TG: variants seen among roughly 807,000 people sequenced by gnomAD.
TG encodes the protein thyroglobulin.
A neutral mutation model predicts 324.7 loss-of-function variants in TG; 270 were observed. The observed-to-expected ratio is 0.83, with a 90% CI of 0.75 to 0.92. The LOEUF is 0.92. Among genes scored for constraint, TG ranks in the 40% least tolerant of loss-of-function variants. TG has a pLI of 0.00. For missense variants in TG, 3,591 were observed against 3,456.4 expected, an observed-to-expected ratio of 1.04 and a Z score of -0.98; for synonymous variants, 1,401 against 1,327.0, an observed-to-expected ratio of 1.06 and a Z score of -1.21.
rs1836146800 is a variant in TG, at chr8:133,026,965, G to A, written c.7037-2856G>A. Among the ~76,000 whole-genome samples, 4 of 152,314 alleles carry A rather than the reference G, an allele frequency of 2.6e-5. No homozygotes were observed. In the South Asian group the frequency reaches 8.3e-4, roughly 32 times the overall value. ...TATTAACTAATTTACTCAACCTTAT[G>A]AGGAAGTGCTATTATCACCCCCGTT... On this transcript the variant is annotated intron_variant, in intron 40 of 47. Coordinates refer to ENST00000220616, the MANE Select transcript of TG (RefSeq NM_003235.5).
intron 41 of TG, chr8:133,038,237 A>C (rs991886819): frequency 2.3e-6 from 1 of 431,874 alleles, no homozygotes; most frequent in South Asian, 2.3e-5. Context: ...TGTCCTTCCC[A>C]CACACACAAT....
At chr8:133,014,455 T>TC (rs71518144) in intron 37 of TG, among the ~76,000 whole-genome samples, 1 of 152,168 alleles carries the variant, frequency 6.6e-6, no homozygotes, top group Non-Finnish European at 1.5e-5. Context: ...GGGAATCCCC[T>TC]CCCCCACTAG....
intron 41 of TG, among the ~76,000 whole-genome samples, chr8:133,085,072 C>G (rs1846314957): frequency 6.6e-6 from 1 of 152,186 alleles, no homozygotes; most frequent in African/African-American, 2.4e-5. Context: ...GTGCTTGGAG[C>G]ACACCAGCTC....
chr8:133,060,844 G>A (rs1587939381), intron 41 of TG, among the ~76,000 whole-genome samples: 1 of 152,144 alleles, frequency 6.6e-6, no homozygotes, highest in Non-Finnish European at 1.5e-5. Context: ...CTCAGAAGGG[G>A]TAAGTGACTT....
chr8:133,070,336 G>A (rs1285915618), intron 41 of TG, among the ~76,000 whole-genome samples: 1 of 148,206 alleles, frequency 6.7e-6, no homozygotes, highest in Non-Finnish European at 1.5e-5. Context: ...CTCCCAACAA[G>A]CATCTGTTTT....
intron 35 of TG, chr8:132,988,556 T>A: frequency 4.0e-6 from 1 of 251,852 alleles, no homozygotes; most frequent in Non-Finnish European, 6.3e-6. Flanking sequence ...TTTTGGTGGA[T>A]GACTAGCTAG....
At chr8:133,120,318 A>G (rs1454689969) in intron 45 of TG, among the ~76,000 whole-genome samples, 1 of 152,242 alleles carries the variant, frequency 6.6e-6, no homozygotes, top group Non-Finnish European at 1.5e-5. Flanking sequence ...CAATCAAAGC[A>G]AAACAAAATG....
chr8:132,879,669 G>A (rs1814368323), intron 5 of TG, among the ~76,000 whole-genome samples: 1 of 152,204 alleles, frequency 6.6e-6, no homozygotes, highest in South Asian at 2.1e-4. Context: ...GCAGTAACTG[G>A]CCTTAGGGTG....
chr8:133,105,527 G>A (rs890034367), intron 43 of TG, among the ~76,000 whole-genome samples: 10 of 152,176 alleles, frequency 6.6e-5, no homozygotes, highest in African/African-American at 2.4e-4. Context: ...AAGGTTCTAG[G>A]GGTGAGGAAG....
At chr8:132,950,169 T>C (rs2741228) in intron 27 of TG, among the ~76,000 whole-genome samples, 122,636 of 152,178 alleles carry the variant, frequency 0.81, 49,522 homozygotes, top group Admixed American at 0.85. Context: ...CTGTTCCTTT[T>C]GTTCTTCCAG....
Position 132,885,596 on chromosome 8 carries a change from G to A in TG, c.1076-852G>A, listed in dbSNP as rs16904773. The stretch of plus-strand genomic sequence containing the variant: ...AGCCACACTAAAATCACATAGTGAA[G>A]CATTGAAGTCTATTGAGAATTCCAA... On this transcript the variant is annotated intron_variant, in intron 8 of 47. Coordinates refer to ENST00000220616, the MANE Select transcript of TG (RefSeq NM_003235.5). 9.0e-3 allele frequency among the ~76,000 whole-genome samples: 1,363 copies of A among 152,276 alleles called. 39 individuals carry two copies. Among genetic ancestry groups the A allele is most frequent in the East Asian group, 0.087 (450 of 5,184 alleles).
chr8:132,948,702 C>T (rs1037755199), intron 26 of TG, 74 bp from the exon 27 acceptor site: 1 of 1,516,098 alleles, frequency 6.6e-7, no homozygotes, highest in Admixed American at 1.7e-5. Context: ...TGCAAATGCT[C>T]TCAGGGGACA....
At position 132,979,652 on chromosome 8, in the gene TG, C is replaced by T. The variant is rs544007370; in HGVS notation, c.6200-3698C>T. On this transcript the variant is annotated intron_variant, in intron 34 of 47. Coordinates refer to ENST00000220616, the MANE Select transcript of TG (RefSeq NM_003235.5). The stretch of plus-strand genomic sequence containing the variant: ...TAACAATCTCATGAGGTAGGGCCTA[C>T]TGTTACCCCATGCAGTGCTGTGCTG... Among the ~76,000 whole-genome samples the T allele has an allele frequency of 8.5e-5, 13 of 152,330 alleles. No individual in the cohort carries two copies. In the East Asian group the frequency reaches 2.3e-3, roughly 27 times the overall value.
At position 133,091,104 on chromosome 8, in the gene TG, A is replaced by ACG. The variant is rs1214732897; in HGVS notation, c.7240-3939_7240-3938dup. Among the ~76,000 whole-genome samples, 3 of 152,222 alleles carry ACG rather than the reference A, an allele frequency of 2.0e-5. No individual in the cohort carries two copies. The East Asian group carries it at 5.8e-4, about 29-fold the overall frequency. On this transcript the variant is annotated intron_variant, in intron 41 of 47. Coordinates refer to ENST00000220616, the MANE Select transcript of TG (RefSeq NM_003235.5). ...CTCTGAGAGGTAGGTGAGCTTCTAC[A>ACG]CGTACAGCCCACATTCAATGCCAGG...
intron 15 of TG, among the ~76,000 whole-genome samples, chr8:132,900,738 TC>T (rs1316486252): frequency 2.6e-5 from 4 of 152,108 alleles, no homozygotes; most frequent in Admixed American, 2.0e-4. Context: ...CCATAAATGC[TC>T]CCATCATCTT....
intron 35 of TG, among the ~76,000 whole-genome samples, chr8:133,006,481 T>A (rs990863308): frequency 1.3e-5 from 2 of 152,234 alleles, no homozygotes; most frequent in Admixed American, 1.3e-4. Flanking sequence ...TCATCTTAAA[T>A]GTTTTGGCTT....
chr8:133,039,144 G>A (rs956963046), intron 41 of TG, among the ~76,000 whole-genome samples: 1 of 152,192 alleles, frequency 6.6e-6, no homozygotes, highest in African/African-American at 2.4e-5. Flanking sequence ...CTCCCAAAGT[G>A]CTGGGGTTAC....
intron 45 of TG, among the ~76,000 whole-genome samples, chr8:133,130,160 A>G (rs1420211221): frequency 6.6e-6 from 1 of 152,348 alleles, no homozygotes; most frequent in African/African-American, 2.4e-5. Context: ...CTTGTCCAAG[A>G]TTGCACACTA....
chr8:133,102,961 C>T (rs570947001), intron 43 of TG: 12 of 247,274 alleles, frequency 4.9e-5, no homozygotes, highest in South Asian at 3.2e-4. Context: ...CCTGGCAGCC[C>T]GAGGCGCTGG....
Sources: gnomAD v4.1 joint callset for allele counts (sites outside exome capture counted in the v4.1 genomes callset) on GRCh38, gnomAD v4.1.1 for gene constraint, MANE v1.5 for transcripts, NCBI Gene and HGNC (gene_info 2026-07-23, HGNC 2026-07-21) for gene names.